Variants in CAPN14 observed in about 807,000 individuals in gnomAD.
The protein encoded by CAPN14 is calpain-14.
CAPN14 carries 94 observed loss-of-function variants against 101.3 expected under a neutral mutation model. That is an observed-to-expected ratio of 0.93 (90% CI 0.79 to 1.10). CAPN14 has a LOEUF of 1.10. Ranked by LOEUF, CAPN14 falls within the 50% of genes least tolerant of loss-of-function variation. CAPN14 has a pLI of 0.00. For synonymous variants in CAPN14, 338 were observed against 317.9 expected, an observed-to-expected ratio of 1.06 and a Z score of -0.67; for missense variants, 837 against 828.4, an observed-to-expected ratio of 1.01 and a Z score of -0.13.
chr2:31,211,585 A>T (rs1026964288), intron 1 of CAPN14, among the ~76,000 whole-genome samples: 2 of 152,068 alleles, frequency 1.3e-5, no homozygotes, highest in Non-Finnish European at 2.9e-5. Flanking sequence ...ATTTTAGATA[A>T]AATCATCATA....
intron 18 of CAPN14, 135 bp from the exon 19 acceptor site, chr2:31,177,956 A>G (rs1000022165): frequency 2.9e-6 from 2 of 681,872 alleles, no homozygotes; most frequent in Non-Finnish European, 5.4e-6. Context: ...GCCTGTTGCC[A>G]GGATAAGAAT....
rs1013709969 is a variant in CAPN14 at position 31,205,625 on chromosome 2, C to T, written c.-52-126G>A. On this transcript the variant is annotated intron_variant, in intron 1 of 21. Transcript: ENST00000403897. ...TCAGCTGGTGAGAAAGAGACAGAAGCAGGTGGTTCGATTTTGTCCCAGAGA... is the reference window on the plus strand; with the variant it reads ...TCAGCTGGTGAGAAAGAGACAGAAGTAGGTGGTTCGATTTTGTCCCAGAGA... 18 of 633,498 alleles carry T rather than the reference C, an allele frequency of 2.8e-5. No homozygotes were observed. In the East Asian group the frequency reaches 4.1e-4, roughly 14 times the overall value. The allele number at this position is 633,498 out of a possible 1,614,324, so 39.2% of individuals were successfully genotyped here.
At chr2:31,203,239 G>T in intron 2 of CAPN14, 100 bp from the exon 3 acceptor site, 1 of 855,500 alleles carries the variant, frequency 1.2e-6, no homozygotes, top group Non-Finnish European at 1.9e-6. Context: ...GTACTTATGG[G>T]GACAAAGATA....
In CAPN14 at chr2:31,194,466, A is replaced by G. The variant is rs1477861627; in HGVS notation, c.893T>C (p.Leu298Pro). ...CAGAATCTTCTCCTTGGGGCTCAGC[A>G]GCTCCCATTTACTTGAACTGAAAAT... ...DWSDSSSKWE[L>P]LSPKEKILLL... The change falls in exon 9 of 22, where the codon CTG becomes CCG. Residue 298 changes from leucine to proline, a missense_variant. By Grantham distance (98) the Leu-to-Pro change is moderately conservative. Transcript: ENST00000403897. The G allele has an allele frequency of 1.3e-6, 2 of 1,551,336 alleles. No homozygotes were observed. Among genetic ancestry groups the G allele is most frequent in the Non-Finnish European group, 1.7e-6 (2 of 1,146,780 alleles).
intron 1 of CAPN14, among the ~76,000 whole-genome samples, chr2:31,216,656 A>C (rs1442781365): frequency 1.3e-5 from 2 of 152,136 alleles, no homozygotes; most frequent in Non-Finnish European, 2.9e-5. Flanking sequence ...ACCCAGGCTG[A>C]AACACTTAGG....
chr2:31,205,078 T>C, intron 2 of CAPN14, 145 bp downstream of exon 2: 1 of 673,512 alleles, frequency 1.5e-6, no homozygotes, highest in Non-Finnish European at 2.6e-6. Flanking sequence ...CTCCTACACA[T>C]CTGGTGTTAG....
chr2:31,194,663 G>A (rs757157047), intron 8 of CAPN14, among the ~76,000 whole-genome samples, 180 bp from the exon 9 acceptor site: 2 of 152,142 alleles, frequency 1.3e-5, no homozygotes, highest in African/African-American at 2.4e-5. Context: ...CCAAGCACTG[G>A]GCTAGATTCT....
At chr2:31,189,848 A>C (rs1681089616) in intron 12 of CAPN14, among the ~76,000 whole-genome samples, 1 of 152,158 alleles carries the variant, frequency 6.6e-6, no homozygotes, top group Non-Finnish European at 1.5e-5. Flanking sequence ...GTACAGTCCC[A>C]GCCCGATGGG....
chr2:31,225,748 C>A (rs1031250789), intron 2 of CAPN14, among the ~76,000 whole-genome samples: 1 of 151,960 alleles, frequency 6.6e-6, no homozygotes, highest in African/African-American at 2.4e-5. Flanking sequence ...TGTAAAAACA[C>A]TGGTGGTATG....
At chr2:31,176,546 A>T (rs769984807) in intron 21 of CAPN14, 41 bp downstream of exon 21, 11 of 1,504,698 alleles carry the variant, frequency 7.3e-6, no homozygotes, top group African/African-American at 1.4e-5. Context: ...GGCCACCTCT[A>T]CGTAAGATGA....
intron 1 of CAPN14, among the ~76,000 whole-genome samples, chr2:31,207,702 T>G (rs115252305): frequency 0.043 from 6,484 of 151,962 alleles, 151 homozygotes; most frequent in African/African-American, 0.056. Context: ...GGAGGTAGAG[T>G]TTGCAGTGAA....
At chr2:31,219,669 C>G (rs968457964), upstream of CAPN14, among the ~76,000 whole-genome samples, 3 of 152,182 alleles carry the variant, frequency 2.0e-5, no homozygotes, top group African/African-American at 7.2e-5. Context: ...ATGCATTCCT[C>G]GGCTGGTGGC....
chr2:31,180,607 C>G (rs1680543463), intron 17 of CAPN14, among the ~76,000 whole-genome samples: 1 of 152,110 alleles, frequency 6.6e-6, no homozygotes, highest in Admixed American at 6.5e-5. Context: ...TGTTACTAAC[C>G]ACCACCTTCT....
chr2:31,202,085 C>A (rs1417300802), intron 4 of CAPN14, 49 bp downstream of exon 4: 1 of 1,550,198 alleles, frequency 6.5e-7, no homozygotes, highest in Non-Finnish European at 8.7e-7. Flanking sequence ...CTCCAGGAAC[C>A]CTTTTTCCTA....
chr2:31,180,420 T>C (rs1680533341), intron 17 of CAPN14, among the ~76,000 whole-genome samples: 1 of 152,172 alleles, frequency 6.6e-6, no homozygotes, highest in Non-Finnish European at 1.5e-5. Flanking sequence ...AGAAAGGCAG[T>C]GTGTTTGTTA....
At chr2:31,187,506 G>A (rs1365131951) in intron 15 of CAPN14, among the ~76,000 whole-genome samples, 5 of 148,830 alleles carry the variant, frequency 3.4e-5, no homozygotes, top group East Asian at 4.1e-4. Context: ...GATTAAAGTT[G>A]CTTTCCCTAC....
intron 11 of CAPN14, 108 bp downstream of exon 11, chr2:31,191,827 C>T (rs528638533): frequency 1.3e-4 from 152 of 1,130,282 alleles, no homozygotes; most frequent in Non-Finnish European, 1.8e-4. Context: ...AAACCCAGGT[C>T]TGTGAACAGA....
intron 1 of CAPN14, among the ~76,000 whole-genome samples, chr2:31,214,599 T>C (rs1682550516): frequency 6.6e-6 from 1 of 152,146 alleles, no homozygotes; most frequent in South Asian, 2.1e-4. Context: ...AGGCGTCCCC[T>C]GGGCTGACTG....
intron 10 of CAPN14, among the ~76,000 whole-genome samples, chr2:31,192,926 G>A (rs1681266328): frequency 6.6e-6 from 1 of 152,168 alleles, no homozygotes; most frequent in Non-Finnish European, 1.5e-5. Flanking sequence ...TTGACTGAGA[G>A]GACTCTGCCT....
Sources: gnomAD v4.1 joint callset for allele counts (sites outside exome capture counted in the v4.1 genomes callset) on GRCh38, gnomAD v4.1.1 for gene constraint, MANE v1.5 for transcripts, NCBI Gene and HGNC (gene_info 2026-07-23, HGNC 2026-07-21) for gene names.